The following ANKRD44 variants were observed in gnomAD, a reference collection of about 807,000 sequenced individuals.
ANKRD44 encodes serine/threonine-protein phosphatase 6 regulatory ankyrin repeat subunit B.
In ANKRD44, 35 loss-of-function variants were observed where a neutral mutation model predicts 116.0. That is an observed-to-expected ratio of 0.30 (90% CI 0.23 to 0.40). The LOEUF (loss-of-function observed/expected upper bound fraction) is 0.40. Ranked by LOEUF, ANKRD44 falls within the 10% of genes least tolerant of loss-of-function variation. The pLI is 1.00. For missense variants in ANKRD44, 1,014 were observed against 1,242.6 expected, an observed-to-expected ratio of 0.82 and a Z score of 2.77; for synonymous variants, 435 against 461.8, an observed-to-expected ratio of 0.94 and a Z score of 0.74.
chr2:197,138,730 C>T (rs184367054), intron 3 of ANKRD44, among the ~76,000 whole-genome samples: 126 of 152,208 alleles, frequency 8.3e-4, no homozygotes, highest in Admixed American at 3.1e-3. Flanking sequence ...TCTAGTAAGC[C>T]GAGTGCACAT....
intron 16 of ANKRD44, among the ~76,000 whole-genome samples, chr2:197,059,277 GCAATGGAAAAAGTA>G (rs1247792487): frequency 2.0e-5 from 3 of 152,152 alleles, no homozygotes. Flanking sequence ...TAAAAAATTT[GCAATGGAAAAAGTA>G]CATTTTTCTT....
At position 196,996,000 on chromosome 2, in the gene ANKRD44, T is replaced by A. The variant is rs138433434; in HGVS notation, c.2749-539A>T. 4.3e-3 allele frequency among the ~76,000 whole-genome samples: 659 copies of A among 152,378 alleles called. 5 individuals are homozygous for A. The highest frequency in any genetic ancestry group is 0.015 in the African/African-American group (627 of 41,586). On this transcript the variant is annotated intron_variant, in intron 25 of 27. Coordinates refer to ENST00000282272, the MANE Select transcript of ANKRD44 (RefSeq NM_001195144.2). Reference sequence around the variant, plus strand: ...TTTCTTCTTCAATCAGTGGAAGATATCTCTGTACCTTATGAAGATAGATGG... The same window carrying A: ...TTTCTTCTTCAATCAGTGGAAGATAACTCTGTACCTTATGAAGATAGATGG...
chr2:197,277,992 C>A (rs889638296), intron 1 of ANKRD44, among the ~76,000 whole-genome samples: 6 of 152,194 alleles, frequency 3.9e-5, no homozygotes, highest in Non-Finnish European at 7.3e-5. Context: ...GGAGCTCTCA[C>A]ACTGCTTCGA....
intron 20 of ANKRD44, among the ~76,000 whole-genome samples, chr2:197,006,212 G>A (rs2076199611): frequency 6.6e-6 from 1 of 152,174 alleles, no homozygotes. Context: ...GGAGGCCGAG[G>A]CAGGAGGATC....
rs1198463783 is a variant in ANKRD44 at position 197,201,780 on chromosome 2, T to C, written c.28-14674A>G. ...GCTTCTAATGATCCCATCGCCCAAGTAGTGAACATAGTGCCCCATAGGTAG... is the reference window on the plus strand; with the variant it reads ...GCTTCTAATGATCCCATCGCCCAAGCAGTGAACATAGTGCCCCATAGGTAG... On this transcript the variant is annotated intron_variant, in intron 1 of 27. Transcript: ENST00000282272. This position sits in a 1 kb window ranked among gnomAD's most constrained non-coding sequence, Gnocchi z 4.0. 6.6e-6 allele frequency among the ~76,000 whole-genome samples: 1 copy of C among 152,210 alleles called. No individual in the cohort carries two copies. Among genetic ancestry groups the C allele is most frequent in the Non-Finnish European group, 1.5e-5 (1 of 68,036 alleles).
At chr2:197,247,663 A>G (rs1267555859) in intron 1 of ANKRD44, among the ~76,000 whole-genome samples, 3 of 152,180 alleles carry the variant, frequency 2.0e-5, no homozygotes, top group African/African-American at 4.8e-5. Flanking sequence ...CATTTGGCTG[A>G]TGAGGAAACT....
intron 1 of ANKRD44, among the ~76,000 whole-genome samples, chr2:197,259,483 GC>G (rs771090536): frequency 4.6e-5 from 7 of 152,148 alleles, no homozygotes; most frequent in Non-Finnish European, 8.8e-5. Flanking sequence ...CTCTTGTCTA[GC>G]CCACCATGAT....
chr2:197,286,920 G>C (rs1244306878), intron 1 of ANKRD44, among the ~76,000 whole-genome samples: 6 of 152,180 alleles, frequency 3.9e-5, no homozygotes, highest in Non-Finnish European at 8.8e-5. Context: ...AAAAGGATCA[G>C]TGGTTGCCAG....
At chr2:197,094,252 A>G (rs2078110394) in intron 10 of ANKRD44, among the ~76,000 whole-genome samples, 1 of 152,172 alleles carries the variant, frequency 6.6e-6, no homozygotes, top group African/African-American at 2.4e-5. Context: ...TTAAGTCCTC[A>G]TTTTGCCACT....
intron 1 of ANKRD44, among the ~76,000 whole-genome samples, chr2:197,205,930 C>A (rs2081195403): frequency 6.6e-6 from 1 of 152,140 alleles, no homozygotes; most frequent in South Asian, 2.1e-4. Flanking sequence ...GGAAATGTGA[C>A]TAGTTCAGAG....
chr2:196,971,565 T>C (rs1318914295), intron 21 of ANKRD44, among the ~76,000 whole-genome samples: 1 of 152,136 alleles, frequency 6.6e-6, no homozygotes, highest in East Asian at 1.9e-4. Flanking sequence ...AGTAGGGATA[T>C]ACTAGAATTA....
chr2:197,183,228 A>C (rs547990604), intron 2 of ANKRD44, among the ~76,000 whole-genome samples: 1 of 152,298 alleles, frequency 6.6e-6, no homozygotes, highest in African/African-American at 2.4e-5. Context: ...CATGTGACCC[A>C]TCAAAAAGCG....
intron 9 of ANKRD44, among the ~76,000 whole-genome samples, chr2:197,108,119 C>T (rs150547593): frequency 0.014 from 2,085 of 152,206 alleles, 25 homozygotes; most frequent in Non-Finnish European, 0.017. Context: ...TGTTTATAAG[C>T]GTGGTGGTTG....
At chr2:197,005,598 G>T in intron 21 of ANKRD44, 96 bp downstream of exon 21, 1 of 1,132,714 alleles carries the variant, frequency 8.8e-7, no homozygotes, top group Non-Finnish European at 1.3e-6. Flanking sequence ...AGAAACCATG[G>T]TTTGCAGAAT....
chr2:197,291,655 T>C (rs1351519713), intron 1 of ANKRD44, among the ~76,000 whole-genome samples: 2 of 152,208 alleles, frequency 1.3e-5, no homozygotes, highest in Non-Finnish European at 2.9e-5. Flanking sequence ...TTTCCAACTA[T>C]CGAATAATGC....
intron 16 of ANKRD44, among the ~76,000 whole-genome samples, chr2:197,058,876 T>C (rs2077255182): frequency 6.6e-6 from 1 of 152,244 alleles, no homozygotes; most frequent in African/African-American, 2.4e-5. Context: ...TACTCCAGAA[T>C]GATGGGTGTT....
At chr2:196,973,574 T>C (rs1574205921) in intron 21 of ANKRD44, among the ~76,000 whole-genome samples, 2 of 152,172 alleles carry the variant, frequency 1.3e-5, no homozygotes, top group Non-Finnish European at 2.9e-5. Context: ...ATAAGTCTCC[T>C]TTTCATCCCT....
chr2:197,034,431 A>G (rs373475970), intron 16 of ANKRD44, among the ~76,000 whole-genome samples: 5 of 150,016 alleles, frequency 3.3e-5, no homozygotes, highest in East Asian at 1.9e-4. Flanking sequence ...GCTAGTTCTC[A>G]TGCTCAACTA....
chr2:197,032,836 A>G (rs13426748), intron 16 of ANKRD44, among the ~76,000 whole-genome samples: 47,949 of 152,140 alleles, frequency 0.32, 9,756 homozygotes, highest in African/African-American at 0.59. Flanking sequence ...ACAGATCATT[A>G]ACTGAACATT....
Sources: allele counts gnomAD v4.1 joint callset (sites outside exome capture counted in the v4.1 genomes callset), GRCh38; gene constraint gnomAD v4.1.1; non-coding constraint Gnocchi (gnomAD v3.1); transcripts MANE v1.5; gene names NCBI Gene and HGNC (gene_info 2026-07-23, HGNC 2026-07-21).